CADM2: variants seen among roughly 807,000 people sequenced by gnomAD.
CADM2 encodes the protein immunoglobulin superfamily member 4D.
CADM2 carries 12 observed loss-of-function variants against 49.8 expected under a neutral mutation model. The observed-to-expected ratio is 0.24, with a 90% CI of 0.15 to 0.39. CADM2 has a LOEUF of 0.39. Among genes scored for constraint, CADM2 ranks in the 10% least tolerant of loss-of-function variants. The probability of loss-of-function intolerance (pLI) is 1.00; values close to 1 mark genes in which losing one functional copy is unlikely to be tolerated. For missense variants in CADM2, 378 were observed against 492.3 expected (o/e 0.77, Z 2.20); for synonymous variants, 214 against 175.4 (o/e 1.22, Z -1.74).
At chr3:85,497,240 T>C (rs894546325) in intron 1 of CADM2, among the ~76,000 whole-genome samples, 33 of 152,140 alleles carry the variant, frequency 2.2e-4, no homozygotes, top group African/African-American at 7.2e-4. Flanking sequence ...TGAATATTAG[T>C]CCCTTCTCAG....
intron 1 of CADM2, among the ~76,000 whole-genome samples, chr3:85,501,798 T>C (rs1320558971): frequency 6.6e-6 from 1 of 152,144 alleles, no homozygotes; most frequent in Non-Finnish European, 1.5e-5. Context: ...GAACATGCTC[T>C]TGGGTTTGAT....
chr3:85,502,934 TTAAAAGATTGTAAAAGAAAAATTG>T (rs1392500265), intron 1 of CADM2, among the ~76,000 whole-genome samples: 2 of 152,026 alleles, frequency 1.3e-5, no homozygotes, highest in East Asian at 3.8e-4. Context: ...AGATCCCTTT[TTAAAAGATTGTAAAAGAAAAATTG>T]TAAAAGATTG....
At chr3:85,502,694 C>T (rs894951081) in intron 1 of CADM2, among the ~76,000 whole-genome samples, 1 of 152,080 alleles carries the variant, frequency 6.6e-6, no homozygotes, top group African/African-American at 2.4e-5. Flanking sequence ...CTTATTATAG[C>T]TGCTCGCATG....
intron 1 of CADM2, among the ~76,000 whole-genome samples, chr3:85,021,694 G>T (rs1451353674): frequency 6.6e-6 from 1 of 152,120 alleles, no homozygotes; most frequent in African/African-American, 2.4e-5. Context: ...AGAATCGCTT[G>T]AACCCAGGAA....
intron 1 of CADM2, among the ~76,000 whole-genome samples, chr3:85,156,109 G>A (rs1477823266): frequency 2.6e-5 from 4 of 151,970 alleles, no homozygotes; most frequent in Middle Eastern, 3.2e-3. Flanking sequence ...CAGAAGGCAA[G>A]AAATAACTAA....
At chr3:85,493,560 C>T (rs2039763775) in intron 1 of CADM2, among the ~76,000 whole-genome samples, 1 of 152,154 alleles carries the variant, frequency 6.6e-6, no homozygotes, top group Admixed American at 6.5e-5. Flanking sequence ...TGCCAATAAA[C>T]TGACAAATAC....
chr3:85,303,392 C>T (rs1016062816), intron 1 of CADM2, among the ~76,000 whole-genome samples: 10 of 151,930 alleles, frequency 6.6e-5, no homozygotes, highest in Non-Finnish European at 1.5e-4. Context: ...CTCTCACACC[C>T]ACACTGCGCA....
At chr3:85,222,690 A>C (rs2042069659) in intron 1 of CADM2, among the ~76,000 whole-genome samples, 1 of 152,200 alleles carries the variant, frequency 6.6e-6, no homozygotes, top group Admixed American at 6.5e-5. Context: ...TGGAGATAAC[A>C]CCTAACTCAT....
At chr3:85,684,701 G>A (rs1012220669) in intron 1 of CADM2, among the ~76,000 whole-genome samples, 1 of 152,118 alleles carries the variant, frequency 6.6e-6, no homozygotes, top group East Asian at 1.9e-4. Flanking sequence ...AGATAAGAGA[G>A]AATGAGAGCC....
At chr3:85,500,241 T>C (rs572903281) in intron 1 of CADM2, among the ~76,000 whole-genome samples, 1 of 152,208 alleles carries the variant, frequency 6.6e-6, no homozygotes, top group African/African-American at 2.4e-5. Context: ...TTTGGTTTTT[T>C]AGGCAGTAAA....
rs114941384 is a variant in CADM2, at chr3:85,094,766, G to A, written c.61+135098G>A. ...AGTGCATACTTTTGCTCAAAGATAC[G>A]TTTAAATGATAACACTATCCCTAGT... is the stretch of plus-strand genomic sequence containing the variant. On this transcript the variant is annotated intron_variant, in intron 1 of 9. Coordinates refer to ENST00000383699, the MANE Select transcript of CADM2 (RefSeq NM_001167675.2). Among the ~76,000 whole-genome samples, 302 of 152,218 alleles carry A rather than the reference G, an allele frequency of 2.0e-3. 2 individuals carry two copies. The highest frequency in any genetic ancestry group is 6.9e-3 in the African/African-American group (288 of 41,546).
chr3:85,611,548 T>C (rs1293802918), intron 1 of CADM2, among the ~76,000 whole-genome samples: 1 of 151,782 alleles, frequency 6.6e-6, no homozygotes, highest in African/African-American at 2.4e-5. Context: ...CAGGAGCTAA[T>C]AAACTCTTAA....
intron 8 of CADM2, among the ~76,000 whole-genome samples, chr3:86,035,096 C>A (rs1734992784): frequency 6.6e-6 from 1 of 151,980 alleles, no homozygotes. Flanking sequence ...AAAATCCAGA[C>A]AATAAAATCT....
intron 1 of CADM2, among the ~76,000 whole-genome samples, chr3:85,018,117 T>C (rs1360610544): frequency 6.6e-6 from 1 of 152,170 alleles, no homozygotes; most frequent in East Asian, 1.9e-4. Context: ...TATTGCTTTA[T>C]AGTGTGTGCA....
intron 1 of CADM2, among the ~76,000 whole-genome samples, chr3:85,301,004 G>T (rs2044084551): frequency 6.6e-6 from 1 of 152,028 alleles, no homozygotes; most frequent in Admixed American, 6.6e-5. Flanking sequence ...GGAAAGAAAT[G>T]AATACCACAG....
In CADM2 at chr3:86,072,126, T is replaced by A. The variant is rs964610364; in HGVS notation, c.*5343T>A. The A allele has an allele frequency of 1.3e-5, 2 of 151,892 alleles. No homozygotes were observed. The highest frequency in any genetic ancestry group is 2.9e-5 in the Non-Finnish European group (2 of 67,868). 9.4% of individuals were successfully genotyped at this position (151,892 alleles called of 1,614,324 possible). ...ATTTTTCAATGATGTAATTTAATTA[T>A]CCTAAAAGAAATGACAGATTCTTCT... On this transcript the variant is annotated 3_prime_UTR_variant, in exon 10 of 10. Coordinates refer to ENST00000383699, the MANE Select transcript of CADM2 (RefSeq NM_001167675.2).
At chr3:85,837,389 C>A (rs540519650) in intron 3 of CADM2, among the ~76,000 whole-genome samples, 2 of 151,334 alleles carry the variant, frequency 1.3e-5, no homozygotes, top group African/African-American at 4.9e-5. Flanking sequence ...AAAAAACATT[C>A]TCCTTTTACC....
chr3:85,165,207 G>A (rs972999051), intron 1 of CADM2, among the ~76,000 whole-genome samples: 2 of 151,740 alleles, frequency 1.3e-5, no homozygotes, highest in Non-Finnish European at 2.9e-5. Context: ...ATTTACTTCT[G>A]CGTGTAAGAA....
At chr3:85,418,064 T>TATA (rs1252464229) in intron 1 of CADM2, among the ~76,000 whole-genome samples, 1 of 152,144 alleles carries the variant, frequency 6.6e-6, no homozygotes, top group Non-Finnish European at 1.5e-5. Context: ...ATTATTTGTT[T>TATA]TTTCAGTAAA....
Sources: allele counts gnomAD v4.1 joint callset (sites outside exome capture counted in the v4.1 genomes callset), GRCh38; gene constraint gnomAD v4.1.1; transcripts MANE v1.5; gene names NCBI Gene and HGNC (gene_info 2026-07-23, HGNC 2026-07-21).